Variants in PALS2 observed in about 807,000 individuals in gnomAD.
The protein encoded by PALS2 is protein associated with LIN7 2, MAGUK p55 family member, also known as protein PALS2.
A neutral mutation model predicts 61.6 loss-of-function variants in PALS2; 27 were observed. The observed-to-expected ratio is 0.44, with a 90% confidence interval of 0.32 to 0.60. The LOEUF is 0.60. Among genes scored for constraint, PALS2 ranks in the 20% least tolerant of loss-of-function variants. The pLI is 0.05. For synonymous variants in PALS2, 236 were observed against 218.6 expected (o/e 1.08, Z -0.70); for missense variants, 554 against 639.4 (o/e 0.87, Z 1.44).
At chr7:24,630,376 C>T (rs996464584) in intron 2 of PALS2, among the ~76,000 whole-genome samples, 8 of 152,002 alleles carry the variant, frequency 5.3e-5, no homozygotes, top group African/African-American at 1.5e-4. Flanking sequence ...GGAGAAATAC[C>T]TAATGTAGAT....
chr7:24,680,652 T>G, intron 11 of PALS2, 132 bp downstream of exon 11: 4 of 1,192,730 alleles, frequency 3.4e-6, no homozygotes, highest in South Asian at 3.5e-5. Context: ...CTGGAGTGCA[T>G]TGATGCGATC....
At chr7:24,661,052 TAAG>T (rs1487274040) in intron 5 of PALS2, among the ~76,000 whole-genome samples, 1 of 152,212 alleles carries the variant, frequency 6.6e-6, no homozygotes, top group Non-Finnish European at 1.5e-5. Flanking sequence ...TTTTTAGTAA[TAAG>T]AATATGAAAT....
At chr7:24,588,483 C>G (rs1299385014) in intron 1 of PALS2, among the ~76,000 whole-genome samples, 1 of 152,092 alleles carries the variant, frequency 6.6e-6, no homozygotes, top group African/African-American at 2.4e-5. Context: ...TAGGTATTCT[C>G]TTTTACAGCA....
intron 3 of PALS2, among the ~76,000 whole-genome samples, chr7:24,643,387 A>G (rs577105927): frequency 1.3e-5 from 2 of 152,314 alleles, no homozygotes; most frequent in African/African-American, 4.8e-5. Context: ...TACCCAGATC[A>G]CTATTGTACT....
At chr7:24,641,899 T>A (rs778128946) in intron 3 of PALS2, 31 bp downstream of exon 3, 2 of 1,590,720 alleles carry the variant, frequency 1.3e-6, no homozygotes, top group East Asian at 4.5e-5. Flanking sequence ...ACTCTCAAGT[T>A]CCCTGTATTC....
intron 2 of PALS2, among the ~76,000 whole-genome samples, chr7:24,624,605 C>CTTATTTTTTTTTT: frequency 1.2e-5 from 1 of 86,356 alleles, no homozygotes; most frequent in Non-Finnish European, 2.0e-5. Context: ...GCAGATTCTT[C>CTTATTTTTTTTTT]TTTTTTTTTT....
chr7:24,659,943 A>T (rs1328478724), intron 5 of PALS2, among the ~76,000 whole-genome samples: 2 of 152,122 alleles, frequency 1.3e-5, no homozygotes, highest in Non-Finnish European at 2.9e-5. Context: ...CTCCCAGTTC[A>T]TCTCCTCAAC....
chr7:24,607,608 T>TAC (rs1783961374), intron 1 of PALS2, among the ~76,000 whole-genome samples: 1 of 150,304 alleles, frequency 6.7e-6, no homozygotes, highest in South Asian at 2.1e-4. Context: ...TGTGTATATA[T>TAC]ACATATATAT....
intron 1 of PALS2, among the ~76,000 whole-genome samples, chr7:24,592,725 T>C (rs910840630): frequency 1.3e-5 from 2 of 152,154 alleles, no homozygotes; most frequent in Admixed American, 6.6e-5. Context: ...CACTACACTG[T>C]AGATTATTAA....
chr7:24,663,671 A>G lies in PALS2; in HGVS notation c.733A>G (p.Lys245Glu), dbSNP rs1324592231. 1.9e-6 allele frequency: 3 copies of G among 1,608,452 alleles called. No individual in the cohort carries two copies. The highest frequency in any genetic ancestry group is 2.6e-6 in the Non-Finnish European group (3 of 1,175,378). ...CAAAGAAGCAGGATTGAAGTTTTCC[A>G]AAGGAGAGATTCTTCAGATTGTAAA... Reference protein sequence around the residue: ...PCKEAGLKFSKGEILQIVNRE... With the variant: ...PCKEAGLKFSEGEILQIVNRE... Residue 245 changes from lysine to glutamate, a missense_variant, in exon 6 of 12, where the codon AAA (lysine) becomes GAA (glutamate). Transcript: ENST00000222644.
chr7:24,687,266 CAT>C lies in PALS2; in HGVS notation c.1447-171_1447-170del, dbSNP rs142918646. ...ATGAGTGTTGTTGGAAAGAATAAGA[CAT>C]GAACAGATGGCAGTGTTGTCTTTAA... On this transcript the variant is annotated intron_variant, in intron 11 of 11. Transcript: ENST00000222644. The surrounding 1 kb of genome is among the most constrained non-coding windows in gnomAD (Gnocchi z 4.5). Among the ~76,000 whole-genome samples the C allele has an allele frequency of 3.4e-3, 516 of 152,214 alleles. 1 individual carries two copies. The highest frequency in any genetic ancestry group is 0.012 in the African/African-American group (493 of 41,548).
chr7:24,652,078 C>T (rs1257664686), intron 5 of PALS2, among the ~76,000 whole-genome samples: 1 of 152,172 alleles, frequency 6.6e-6, no homozygotes, highest in Non-Finnish European at 1.5e-5. Context: ...ACCTCTCAGG[C>T]TACCTTTATT....
At chr7:24,621,333 A>G (rs141259634) in intron 1 of PALS2, among the ~76,000 whole-genome samples, 3 of 152,274 alleles carry the variant, frequency 2.0e-5, no homozygotes, top group Admixed American at 2.0e-4. Context: ...GGGATAGAAG[A>G]CAGGAAATAG....
rs1281597503 is a variant in PALS2, at chr7:24,649,441, ATC to A, written c.271-167_271-166del. On this transcript the variant is annotated intron_variant, in intron 3 of 11. Coordinates refer to ENST00000222644, the MANE Select transcript of PALS2 (RefSeq NM_001303037.2). ...TGATAATAAAACTATATATTTTTAT[ATC>A]TCTTAAAAATTATATATTTATTTGA... Among the ~76,000 whole-genome samples, 3 of 152,274 alleles carry A rather than the reference ATC, an allele frequency of 2.0e-5. No homozygotes were observed. The East Asian group carries it at 5.8e-4, about 29-fold the overall frequency.
intron 1 of PALS2, among the ~76,000 whole-genome samples, chr7:24,603,591 C>G (rs1216567156): frequency 6.6e-6 from 1 of 152,156 alleles, no homozygotes; most frequent in Non-Finnish European, 1.5e-5. Flanking sequence ...GCTCAACTCA[C>G]TGAGAGTGAA....
intron 8 of PALS2, among the ~76,000 whole-genome samples, chr7:24,667,789 T>C (rs957244126): frequency 5.3e-5 from 8 of 149,556 alleles, no homozygotes; most frequent in African/African-American, 2.0e-4. Flanking sequence ...CTCAGCCCCC[T>C]GAGTAGCTGG....
intron 1 of PALS2, among the ~76,000 whole-genome samples, chr7:24,609,594 T>C (rs1583869332): frequency 6.6e-6 from 1 of 152,148 alleles, no homozygotes; most frequent in South Asian, 2.1e-4. Flanking sequence ...AGTGGTTTCC[T>C]GTTTGAAAAA....
intron 9 of PALS2, among the ~76,000 whole-genome samples, chr7:24,670,987 A>G (rs1583986098): frequency 6.6e-6 from 1 of 152,188 alleles, no homozygotes; most frequent in Non-Finnish European, 1.5e-5. Flanking sequence ...TACACTCAGC[A>G]TTTGTATACA....
intron 2 of PALS2, among the ~76,000 whole-genome samples, chr7:24,628,186 A>G (rs752592176): frequency 6.6e-6 from 1 of 152,248 alleles, no homozygotes; most frequent in Non-Finnish European, 1.5e-5. Flanking sequence ...AGTTGGCTTC[A>G]TCCCTGGGAT....
Sources: gnomAD v4.1 joint callset for allele counts (sites outside exome capture counted in the v4.1 genomes callset) on GRCh38, gnomAD v4.1.1 for gene constraint, Gnocchi (gnomAD v3.1) non-coding constraint, MANE v1.5 for transcripts, NCBI Gene and HGNC (gene_info 2026-07-23, HGNC 2026-07-21) for gene names.